Variants in RUBCN observed in about 807,000 individuals in gnomAD.
RUBCN encodes rubicon autophagy regulator, also known as run domain Beclin-1-interacting and cysteine-rich domain-containing protein.
RUBCN carries 74 observed loss-of-function variants against 113.2 expected under a neutral mutation model. The observed-to-expected ratio is 0.65, with a 90% CI of 0.54 to 0.79. RUBCN has a LOEUF of 0.79. Ranked by LOEUF, RUBCN falls within the 30% of genes least tolerant of loss-of-function variation. The pLI is 0.00. For synonymous variants in RUBCN, 480 were observed against 490.0 expected, an observed-to-expected ratio of 0.98 and a Z score of 0.27; for missense variants, 1,109 against 1,251.7, an observed-to-expected ratio of 0.89 and a Z score of 1.72.
chr3:197,732,027 T>C (rs1384469686), intron 1 of RUBCN, among the ~76,000 whole-genome samples: 1 of 152,218 alleles, frequency 6.6e-6, no homozygotes, highest in Admixed American at 6.5e-5. Context: ...CGCTCTGGCA[T>C]GTTGAGTGAG....
intron 16 of RUBCN, among the ~76,000 whole-genome samples, chr3:197,680,331 A>G (rs910846936): frequency 2.3e-5 from 3 of 131,522 alleles, no homozygotes; most frequent in Admixed American, 1.5e-4. Context: ...CGCTCTGACA[A>G]CTGGCTCCAG....
chr3:197,746,215 C>G (rs148956405), intron 1 of RUBCN, among the ~76,000 whole-genome samples: 1 of 152,136 alleles, frequency 6.6e-6, no homozygotes, highest in African/African-American at 2.4e-5. Flanking sequence ...ATAGCCATCG[C>G]GAAACATGAT....
chr3:197,742,840 C>T (rs763419768), intron 1 of RUBCN, among the ~76,000 whole-genome samples: 6 of 152,308 alleles, frequency 3.9e-5, no homozygotes, highest in Non-Finnish European at 7.4e-5. Context: ...AGGATATCTT[C>T]GAAAAACAAA....
At chr3:197,741,305 C>T (rs1728515513), upstream of RUBCN, among the ~76,000 whole-genome samples, 1 of 152,130 alleles carries the variant, frequency 6.6e-6, no homozygotes, top group African/African-American at 2.4e-5. Flanking sequence ...TTCTAAAAGT[C>T]TTTTAAGCCA....
Position 197,701,089 on chromosome 3 carries a change from C to G in RUBCN, c.785G>C (p.Arg262Thr), listed in dbSNP as rs370403872. Reference protein sequence around the residue: ...SGPPRKPQESRGHVSPAEDQT... With the variant: ...SGPPRKPQESTGHVSPAEDQT... ...ATCCTCTGCTGGTGAGACGTGCCCT[C>G]TGCTTTCTTGAGGTTTCCGGGGAGG... Residue 262 changes from arginine to threonine, a missense_variant, in exon 7 of 20, where the codon AGA becomes ACA. Transcript: ENST00000296343. 4.4e-6 allele frequency: 7 copies of G among 1,598,110 alleles called. No individual in the cohort carries two copies. The highest frequency in any genetic ancestry group is 6.0e-6 in the Non-Finnish European group (7 of 1,169,956).
chr3:197,707,072 G>A (rs1024655867), intron 2 of RUBCN, among the ~76,000 whole-genome samples: 5 of 143,730 alleles, frequency 3.5e-5, no homozygotes, highest in East Asian at 1.9e-4. Context: ...GGCCGGGCGC[G>A]GTGGCTCACG....
intron 2 of RUBCN, among the ~76,000 whole-genome samples, chr3:197,706,276 T>C (rs1724288777): frequency 6.6e-6 from 1 of 152,208 alleles, no homozygotes; most frequent in Non-Finnish European, 1.5e-5. Context: ...GCAAAATGTT[T>C]GTACCATAAC....
At chr3:197,677,231 C>T (rs1580139588) in intron 17 of RUBCN, among the ~76,000 whole-genome samples, 193 bp from the exon 18 acceptor site, 2 of 152,318 alleles carry the variant, frequency 1.3e-5, no homozygotes, top group Middle Eastern at 3.4e-3. Flanking sequence ...TTTATAGGCT[C>T]CTGCAGAGTG....
chr3:197,742,701 C>G (rs1424523055), intron 1 of RUBCN, among the ~76,000 whole-genome samples: 1 of 152,186 alleles, frequency 6.6e-6, no homozygotes, highest in Non-Finnish European at 1.5e-5. Context: ...GCTCCTCATC[C>G]CAGAGCAGGG....
intron 16 of RUBCN, among the ~76,000 whole-genome samples, chr3:197,680,348 C>G (rs1388599788): frequency 7.0e-6 from 1 of 142,404 alleles, no homozygotes; most frequent in Non-Finnish European, 1.5e-5. Flanking sequence ...CCAGACTGTC[C>G]TACGCTCTAA....
Position 197,700,984 on chromosome 3 carries a change from C to T in RUBCN, c.890G>A (p.Ser297Asn). ...TGCCTCTATGGGGCTGGTCAGAGTA[C>T]TGGAGCTCATTTCATTTGGGGTCAA... ...SPLTPNEMSS[S>N]TLTSPIEASW... Residue 297 changes from serine (S) to asparagine (N), a missense_variant, in exon 7 of 20, where the codon AGT (serine) becomes AAT (asparagine). Ser to Asn is a conservative substitution (Grantham distance 46, BLOSUM62 1). Coordinates refer to ENST00000296343, the MANE Select transcript of RUBCN (RefSeq NM_014687.4). 3.7e-6 allele frequency: 6 copies of T among 1,614,166 alleles called. No individual in the cohort carries two copies. Among genetic ancestry groups the T allele is most frequent in the Non-Finnish European group, 5.1e-6 (6 of 1,180,032 alleles).
intron 7 of RUBCN, chr3:197,699,369 G>A (rs529168653): frequency 3.7e-5 from 23 of 626,452 alleles, no homozygotes; most frequent in African/African-American, 5.5e-5. Context: ...TGTGAAGGAC[G>A]GATGGCTTGT....
At chr3:197,687,783 C>G (rs1229835923) in intron 11 of RUBCN, among the ~76,000 whole-genome samples, 1 of 152,214 alleles carries the variant, frequency 6.6e-6, no homozygotes, top group Non-Finnish European at 1.5e-5. Context: ...CATGGACACC[C>G]TCCCTCAGCA....
chr3:197,683,404 G>C lies in RUBCN; in HGVS notation c.1883C>G (p.Ala628Gly), dbSNP rs1470899866. 1 of 1,614,116 alleles carries C rather than the reference G, an allele frequency of 6.2e-7. No homozygotes were observed. Among genetic ancestry groups the C allele is most frequent in the Non-Finnish European group, 8.5e-7 (1 of 1,180,004 alleles). Reference sequence around the variant, plus strand: ...CTGCTTCAGGAGCCCCATGGCCACCGCCTCAGCAGACGTGGAGTGCAGGAA... The same window carrying C: ...CTGCTTCAGGAGCCCCATGGCCACCCCCTCAGCAGACGTGGAGTGCAGGAA... ...HCFLHSTSAE[A>G]VAMGLLKQFE... The change falls in exon 13 of 20, where the codon GCG (alanine) becomes GGG (glycine). Residue 628 changes from alanine (A) to glycine (G), a missense_variant. Ala to Gly is a moderately conservative substitution (Grantham distance 60). This residue lies in a region of RUBCN where 67 missense variants were observed against 123.2 expected (regional missense o/e 0.54). Transcript: ENST00000296343. The surrounding 1 kb of genome is among the most constrained non-coding windows in gnomAD (Gnocchi z 4.6).
intron 12 of RUBCN, 43 bp downstream of exon 12, chr3:197,684,114 C>A: frequency 6.8e-7 from 1 of 1,469,432 alleles, no homozygotes; most frequent in South Asian, 1.1e-5. Context: ...TCTACATATC[C>A]TAAGGTTTTC....
At chr3:197,703,437 A>C (rs1255516692) in intron 5 of RUBCN, 111 bp downstream of exon 5, 9 of 497,924 alleles carry the variant, frequency 1.8e-5, no homozygotes, top group Non-Finnish European at 3.3e-5. Flanking sequence ...AAAAAATGCA[A>C]GCCTTTCAGC....
chr3:197,691,434 G>A (rs1213547149), intron 11 of RUBCN, among the ~76,000 whole-genome samples: 1 of 151,918 alleles, frequency 6.6e-6, no homozygotes, highest in Non-Finnish European at 1.5e-5. Context: ...TACTGGGGAG[G>A]GGTTACCACT....
chr3:197,730,593 G>T (rs1727304267), intron 1 of RUBCN, among the ~76,000 whole-genome samples: 1 of 147,828 alleles, frequency 6.8e-6, no homozygotes, highest in Admixed American at 6.8e-5. Context: ...TTTTGAGAGA[G>T]AAAGTGGGAC....
At chr3:197,696,907 G>A (rs773723273) in intron 8 of RUBCN, 47 bp downstream of exon 8, 5 of 1,015,004 alleles carry the variant, frequency 4.9e-6, no homozygotes, top group South Asian at 3.8e-5. Flanking sequence ...CACAAGGGGT[G>A]AGCAGAGAAA....
Sources: gnomAD v4.1 joint callset for allele counts (sites outside exome capture counted in the v4.1 genomes callset) on GRCh38, gnomAD v4.1.1 for gene constraint, gnomAD v4.1.1 regional missense constraint, Gnocchi (gnomAD v3.1) non-coding constraint, MANE v1.5 for transcripts, NCBI Gene and HGNC (gene_info 2026-07-23, HGNC 2026-07-21) for gene names.